Variants in TOP1 observed in about 807,000 individuals in gnomAD.
TOP1 encodes the protein DNA topoisomerase 1.
In TOP1, 10 loss-of-function variants were observed where a neutral mutation model predicts 111.1. The ratio of observed to expected loss-of-function variants is 0.09; its 90% CI spans 0.06 to 0.15. The LOEUF (loss-of-function observed/expected upper bound fraction) is 0.15. TOP1 is among the 10% of genes least tolerant of loss of function. The pLI is 1.00. For synonymous variants in TOP1, 271 were observed against 302.9 expected, an observed-to-expected ratio of 0.89 and a Z score of 1.10; for missense variants, 474 against 926.7, an observed-to-expected ratio of 0.51 and a Z score of 6.34.
chr20:41,077,135 G>A (rs1300085185), intron 4 of TOP1, among the ~76,000 whole-genome samples: 1 of 152,172 alleles, frequency 6.6e-6, no homozygotes, highest in Non-Finnish European at 1.5e-5. Flanking sequence ...GGCGGGGCTA[G>A]TCTCGAACTC....
In TOP1 at chr20:41,082,867, G is replaced by A. The variant is rs2033804985; in HGVS notation, c.508-1595G>A. On this transcript the variant is annotated intron_variant, in intron 7 of 20. Transcript: ENST00000361337. This position sits in a 1 kb window ranked among gnomAD's most constrained non-coding sequence, Gnocchi z 4.1. ...TTTTTTATGTTTATATTGCATTTAT[G>A]CAAAAATAATACTCTGAGTTTGTTA... 1.3e-5 allele frequency among the ~76,000 whole-genome samples: 2 copies of A among 151,316 alleles called. No individual in the cohort carries two copies. Among genetic ancestry groups the A allele is most frequent in the Admixed American group, 1.3e-4 (2 of 15,192 alleles).
intron 5 of TOP1, among the ~76,000 whole-genome samples, 165 bp downstream of exon 5, chr20:41,077,802 C>G (rs1409747419): frequency 6.6e-6 from 1 of 152,192 alleles, no homozygotes; most frequent in East Asian, 1.9e-4. Flanking sequence ...CAACCTGAGC[C>G]TTTCTACAGT....
intron 8 of TOP1, among the ~76,000 whole-genome samples, chr20:41,091,399 T>C (rs766329684): frequency 3.0e-4 from 45 of 152,140 alleles, no homozygotes; most frequent in Non-Finnish European, 5.9e-5. Context: ...ACTAGGAGAT[T>C]ATTTTGTTAG....
intron 3 of TOP1, among the ~76,000 whole-genome samples, chr20:41,062,562 A>G (rs1056515463): frequency 1.3e-5 from 2 of 152,000 alleles, no homozygotes; most frequent in African/African-American, 2.4e-5. Flanking sequence ...CATCTTTTCT[A>G]GTTTATAGTT....
rs371947027 is a variant in TOP1, at chr20:41,043,550, G to A, written c.58+14095G>A. On this transcript the variant is annotated intron_variant, in intron 2 of 20. Coordinates refer to ENST00000361337, the MANE Select transcript of TOP1 (RefSeq NM_003286.4). Reference sequence around the variant, plus strand: ...GCTAGTGGCCCAGAGAATGGCCTGCGCATTTCAAGCCCTGTCAATGAGAAT... The same window carrying A: ...GCTAGTGGCCCAGAGAATGGCCTGCACATTTCAAGCCCTGTCAATGAGAAT... 3.7e-4 allele frequency among the ~76,000 whole-genome samples: 57 copies of A among 152,296 alleles called. 1 individual carries two copies. The East Asian group carries it at 4.8e-3, about 13-fold the overall frequency.
chr20:41,035,457 A>C (rs1683840360), intron 2 of TOP1, among the ~76,000 whole-genome samples: 1 of 152,212 alleles, frequency 6.6e-6, no homozygotes, highest in Admixed American at 6.5e-5. Context: ...ACACCTAGGT[A>C]AGCTCCAACA....
At chr20:41,108,140 A>G (rs1311327298) in intron 13 of TOP1, among the ~76,000 whole-genome samples, 1 of 152,178 alleles carries the variant, frequency 6.6e-6, no homozygotes, top group Non-Finnish European at 1.5e-5. Flanking sequence ...TAGGTCGGCT[A>G]TATGGGAAGC....
intron 2 of TOP1, among the ~76,000 whole-genome samples, chr20:41,036,207 C>T (rs960029620): frequency 1.3e-5 from 2 of 152,156 alleles, no homozygotes; most frequent in African/African-American, 4.8e-5. Flanking sequence ...AAACCCCACT[C>T]AGGCTGTAAT....
chr20:41,062,644 A>G (rs1237605937), intron 3 of TOP1, among the ~76,000 whole-genome samples: 2 of 152,238 alleles, frequency 1.3e-5, no homozygotes, highest in Non-Finnish European at 2.9e-5. Context: ...TTGCATAATG[A>G]TAAAAGGGAC....
In TOP1 at chr20:41,114,990, G is replaced by A. The variant is rs1361027496; in HGVS notation, c.1639-381G>A. Among the ~76,000 whole-genome samples the A allele has an allele frequency of 6.6e-6, 1 of 152,128 alleles. No individual in the cohort carries two copies. Among genetic ancestry groups the A allele is most frequent in the Non-Finnish European group, 1.5e-5 (1 of 68,032 alleles). ...TGAAGCTGATACTGTGTAAATGTAAGGGAATATCTATTTTTAGAACATACA... is the reference window on the plus strand; with the variant it reads ...TGAAGCTGATACTGTGTAAATGTAAAGGAATATCTATTTTTAGAACATACA... On this transcript the variant is annotated intron_variant, in intron 15 of 20. Coordinates refer to ENST00000361337, the MANE Select transcript of TOP1 (RefSeq NM_003286.4). This position sits in a 1 kb window ranked among gnomAD's most constrained non-coding sequence, Gnocchi z 4.5.
rs1290076062 is a variant in TOP1, at chr20:41,112,168, T to TA, written c.1309-613dup. ...TGGAAGTCATTGTGTCCTTAGTAAT[T>TA]ACATGTTGTAGTCTTTGGTTCTGCT... On this transcript the variant is annotated intron_variant, in intron 13 of 20. Coordinates refer to ENST00000361337, the MANE Select transcript of TOP1 (RefSeq NM_003286.4). This position sits in a 1 kb window ranked among gnomAD's most constrained non-coding sequence, Gnocchi z 5.8. 1.3e-5 allele frequency among the ~76,000 whole-genome samples: 2 copies of TA among 152,224 alleles called. No homozygotes were observed. Among genetic ancestry groups the TA allele is most frequent in the Non-Finnish European group, 1.5e-5 (1 of 68,032 alleles).
Position 41,097,327 on chromosome 20 carries a change from A to G in TOP1, c.838A>G (p.Lys280Glu), listed in dbSNP as rs2033995197. The change falls in exon 10 of 21, where the codon AAA becomes GAA. Residue 280 changes from lysine to glutamate, a missense_variant. This residue lies in a region of TOP1 where 84 missense variants were observed against 119.2 expected (regional missense o/e 0.70). Coordinates refer to ENST00000361337, the MANE Select transcript of TOP1 (RefSeq NM_003286.4). This position sits in a 1 kb window ranked among gnomAD's most constrained non-coding sequence, Gnocchi z 4.2. ...TKEIFRKNFF[K>E]DWRKEMTNEE... ...GGAAATATTTAGGAAAAATTTCTTT[A>G]AAGACTGGAGAAAGGTACTGTAGCC... 2 of 1,613,792 alleles carry G rather than the reference A, an allele frequency of 1.2e-6. No individual in the cohort carries two copies. The highest frequency in any genetic ancestry group is 1.7e-6 in the Non-Finnish European group (2 of 1,179,848).
rs1311294046 is a variant in TOP1 at position 41,095,325 on chromosome 20, T to C, written c.731-1895T>C. ...CCTCCTAAAGTGCTGGGATTACAGA[T>C]GTGAACCACCATGCTCAGCCACATT... On this transcript the variant is annotated intron_variant, in intron 9 of 20. Transcript: ENST00000361337. This position sits in a 1 kb window ranked among gnomAD's most constrained non-coding sequence, Gnocchi z 4.6. Among the ~76,000 whole-genome samples, 1 of 152,224 alleles carries C rather than the reference T, an allele frequency of 6.6e-6. No individual in the cohort carries two copies. Among genetic ancestry groups the C allele is most frequent in the Non-Finnish European group, 1.5e-5 (1 of 68,036 alleles).
Position 41,101,229 on chromosome 20 carries a change from C to T in TOP1, c.1184C>T (p.Pro395Leu). ...TCCAGAGATGCCAAGGTTCCTTCTC[C>T]TCCTCCAGGACATAAGTGGAAAGAA... ...NCSKDAKVPS[P>L]PPGHKWKEVR... Residue 395 changes from proline to leucine, a missense_variant, in exon 13 of 21, where the codon CCT becomes CTT. This residue lies in a region of TOP1 where 22 missense variants were observed against 30.4 expected (regional missense o/e 0.72). Transcript: ENST00000361337. This position sits in a 1 kb window ranked among gnomAD's most constrained non-coding sequence, Gnocchi z 4.1. The T allele has an allele frequency of 6.2e-7, 1 of 1,614,090 alleles. No homozygotes were observed. Among genetic ancestry groups the T allele is most frequent in the East Asian group, 2.2e-5 (1 of 44,882 alleles).
chr20:41,056,034 T>C (rs945580359), intron 2 of TOP1, among the ~76,000 whole-genome samples: 7 of 152,232 alleles, frequency 4.6e-5, no homozygotes, highest in African/African-American at 1.4e-4. Context: ...TCAGCTTCAG[T>C]AATTACCAAC....
intron 2 of TOP1, among the ~76,000 whole-genome samples, chr20:41,033,347 C>CAAAA (rs34731706): frequency 9.9e-6 from 1 of 100,886 alleles, no homozygotes; most frequent in Non-Finnish European, 2.0e-5. Context: ...CCAATAGCAG[C>CAAAA]AAAAAAAAAA....
chr20:41,087,289 C>T (rs1004426726), intron 8 of TOP1, among the ~76,000 whole-genome samples: 1 of 152,196 alleles, frequency 6.6e-6, no homozygotes, highest in African/African-American at 2.4e-5. Flanking sequence ...TCCTGTTTAT[C>T]CCAGATGTCC....
At position 41,100,835 on chromosome 20, in the gene TOP1, A is replaced by T. The variant is rs977527652; in HGVS notation, c.1164-374A>T. ...AGGATTACTTGAACACAAGCAATGT[A>T]AAACCATTAAAGTCAACCTGATAAA... On this transcript the variant is annotated intron_variant, in intron 12 of 20. Coordinates refer to ENST00000361337, the MANE Select transcript of TOP1 (RefSeq NM_003286.4). The surrounding 1 kb of genome is among the most constrained non-coding windows in gnomAD (Gnocchi z 4.4). The T allele has an allele frequency of 2.7e-5, 5 of 186,614 alleles. No individual in the cohort carries two copies. The highest frequency in any genetic ancestry group is 5.6e-5 in the Non-Finnish European group (5 of 88,688). The allele number at this position is 186,614 out of a possible 1,614,324, so 11.6% of individuals were successfully genotyped here.
At chr20:41,059,352 C>T (rs1039281339) in intron 2 of TOP1, among the ~76,000 whole-genome samples, 1 of 150,978 alleles carries the variant, frequency 6.6e-6, no homozygotes, top group Non-Finnish European at 1.5e-5. Context: ...AACAACTTGA[C>T]GTCTTTATTG....
Sources: gnomAD v4.1 joint callset for allele counts (sites outside exome capture counted in the v4.1 genomes callset) on GRCh38, gnomAD v4.1.1 for gene constraint, gnomAD v4.1.1 regional missense constraint, Gnocchi (gnomAD v3.1) non-coding constraint, MANE v1.5 for transcripts, NCBI Gene and HGNC (gene_info 2026-07-23, HGNC 2026-07-21) for gene names.